HYPK: variants seen among roughly 807,000 people sequenced by gnomAD.
HYPK encodes huntingtin interacting protein K.
A neutral mutation model predicts 13.9 loss-of-function variants in HYPK; 9 were observed. The ratio of observed to expected loss-of-function variants is 0.65; its 90% CI spans 0.39 to 1.13. The LOEUF (loss-of-function observed/expected upper bound fraction) is 1.13. Ranked by LOEUF, HYPK falls within the 50% of genes most tolerant of loss-of-function variation. HYPK has a pLI of 0.01. For synonymous variants in HYPK, 76 were observed against 57.0 expected (o/e 1.33, Z -1.50); for missense variants, 138 against 157.6 (o/e 0.88, Z 0.67).
At chr15:43,800,932 G>T in intron 1 of HYPK, 148 bp downstream of exon 1, 1 of 929,616 alleles carries the variant, frequency 1.1e-6, no homozygotes, top group South Asian at 1.7e-5. Flanking sequence ...AGCGGTCACC[G>T]GAGCGCGCCG....
chr15:43,801,402 T>C (rs1019747301), intron 2 of HYPK, 116 bp from the exon 3 acceptor site: 26 of 996,096 alleles, frequency 2.6e-5, no homozygotes, highest in Non-Finnish European at 3.8e-5. Context: ...GGAGTTTTTA[T>C]TTTCAATCAA....
rs61744182 is a variant in HYPK at position 43,801,787 on chromosome 15, T to G, written c.347T>G (p.Leu116Arg). Reference sequence around the variant, plus strand: ...CACATGGGCAACGTGGTAGAGGCGCTTATTGCCCTAACCAACTGATGCGTG... The same window carrying G: ...CACATGGGCAACGTGGTAGAGGCGCGTATTGCCCTAACCAACTGATGCGTG... The part of the protein sequence containing the change: ...REHMGNVVEA[L>R]IALTN The change falls in exon 4 of 4, where the codon CTT (leucine) becomes CGT (arginine). Residue 116 changes from leucine (L) to arginine (R), a missense_variant. By Grantham distance (102) the Leu-to-Arg change is moderately radical. Around this residue, in one of 3 missense-constraint regions of HYPK, gnomAD observed 91 missense variants for 96.8 expected, o/e 0.94. Transcript: ENST00000442995. The G allele has an allele frequency of 2.2e-5, 36 of 1,614,120 alleles. No individual in the cohort carries two copies. The highest frequency in any genetic ancestry group is 3.0e-5 in the Non-Finnish European group (35 of 1,180,022).
In HYPK at chr15:43,801,356, C is replaced by T. The variant is rs1312486777; in HGVS notation, c.219-162C>T. The T allele has an allele frequency of 1.4e-5, 12 of 832,440 alleles. No homozygotes were observed. In the African/African-American group the frequency reaches 1.9e-4, roughly 13 times the overall value. 51.6% of individuals were successfully genotyped at this position (832,440 alleles called of 1,614,324 possible). On this transcript the variant is annotated intron_variant, in intron 2 of 3. Coordinates refer to ENST00000442995, the MANE Select transcript of HYPK (RefSeq NM_016400.4). ...TTAGCAGAAGGCCTCCTGGCAACACCTGCTGCCAAGACTCCAGGGGAAAGG... is the reference window on the plus strand; with the variant it reads ...TTAGCAGAAGGCCTCCTGGCAACACTTGCTGCCAAGACTCCAGGGGAAAGG...
At position 43,801,191 on chromosome 15, in the gene HYPK, A is replaced by G; in HGVS notation, c.218+4A>G. 6.2e-7 allele frequency: 1 copy of G among 1,613,506 alleles called. No homozygotes were observed. Among genetic ancestry groups the G allele is most frequent in the Admixed American group, 1.7e-5 (1 of 60,000 alleles). On this transcript the variant is annotated splice_donor_region_variant and intron_variant, in intron 2 of 3. Transcript: ENST00000442995. ...AGCAGAAAGCCAAACAGGAGCGGTA[A>G]GTCTTCAGGGGCAGCCAACTTTAAC...
chr15:43,800,534 C>T (rs771068689), upstream of HYPK: 12 of 1,558,102 alleles, frequency 7.7e-6, no homozygotes, highest in African/African-American at 1.4e-4. Flanking sequence ...GGCCCAGGGC[C>T]AGCCCCGCCT....
rs200501830 is a variant in HYPK, at chr15:43,801,772, A to G, written c.332A>G (p.Asn111Ser). 1.2e-4 allele frequency: 191 copies of G among 1,614,132 alleles called. No individual in the cohort carries two copies. Among genetic ancestry groups the G allele is most frequent in the Non-Finnish European group, 1.5e-4 (175 of 1,180,048 alleles). Residue 111 changes from asparagine (N) to serine (S), a missense_variant, in exon 4 of 4, where the codon AAC (asparagine) becomes AGC (serine). Physicochemically the swap from Asn to Ser is conservative, Grantham distance 46 (BLOSUM62 1). Around this residue, in one of 3 missense-constraint regions of HYPK, gnomAD observed 91 missense variants for 96.8 expected, o/e 0.94. Coordinates refer to ENST00000442995, the MANE Select transcript of HYPK (RefSeq NM_016400.4). ...CGCAGTTTGCGGGAACACATGGGCA[A>G]CGTGGTAGAGGCGCTTATTGCCCTA... ...AERSLREHMG[N>S]VVEALIALTN is the part of the protein sequence containing the mutation.
rs368198131 is a variant in HYPK, at chr15:43,800,600, T to C, written c.-23T>C. 1.1e-5 allele frequency: 18 copies of C among 1,613,720 alleles called. No individual in the cohort carries two copies. In the African/African-American group the frequency reaches 1.3e-4, roughly 12 times the overall value. On this transcript the variant is annotated 5_prime_UTR_variant, in exon 1 of 4. It removes an upstream start codon present in the reference 5' UTR. Coordinates refer to ENST00000442995, the MANE Select transcript of HYPK (RefSeq NM_016400.4). Reference sequence around the variant, plus strand: ...GGAAGTCGGCGTGAGGTGGGGCTTATGCGGCGGCGTGGTGAAATAGATATG... The same window carrying C: ...GGAAGTCGGCGTGAGGTGGGGCTTACGCGGCGGCGTGGTGAAATAGATATG...
Position 43,803,396 on chromosome 15 carries a change from G to GA in HYPK, c.*1597dup, listed in dbSNP as rs1163990870. ...CGACAGAGCAAGACTGTCTCAAAACGAAAAAAACCTATGAAAGGTTTTGAT... is the reference window on the plus strand; with the variant it reads ...CGACAGAGCAAGACTGTCTCAAAACGAAAAAAAACCTATGAAAGGTTTTGAT... On this transcript the variant is annotated 3_prime_UTR_variant, in exon 4 of 4. Transcript: ENST00000442995. Among the ~76,000 whole-genome samples the GA allele has an allele frequency of 1.3e-5, 2 of 151,710 alleles. No homozygotes were observed. The highest frequency in any genetic ancestry group is 2.4e-5 in the African/African-American group (1 of 41,330).
Position 43,801,119 on chromosome 15 carries a change from G to A in HYPK, c.163-13G>A. The stretch of plus-strand genomic sequence containing the variant: ...GGGTAGCGGTGCAGTAACTAGACCT[G>A]CCTTTCCCATAGGCCATGTCTGTGA... On this transcript the variant is annotated splice_polypyrimidine_tract_variant and intron_variant, in intron 1 of 3. Transcript: ENST00000442995. The A allele has an allele frequency of 1.9e-6, 3 of 1,612,624 alleles. No homozygotes were observed. The highest frequency in any genetic ancestry group is 2.5e-6 in the Non-Finnish European group (3 of 1,178,876).
chr15:43,800,522 G>C, upstream of HYPK: 1 of 1,472,546 alleles, frequency 6.8e-7, no homozygotes, highest in Non-Finnish European at 9.4e-7. Flanking sequence ...GAAAGAAGGT[G>C]TGGCCCAGGG....
Position 43,801,947 on chromosome 15 carries a change from CTGAATT to C in HYPK, c.*143_*148del, listed in dbSNP as rs1481352770. On this transcript the variant is annotated 3_prime_UTR_variant, in exon 4 of 4. Coordinates refer to ENST00000442995, the MANE Select transcript of HYPK (RefSeq NM_016400.4). The stretch of plus-strand genomic sequence containing the variant: ...GGAGAATTTATATGTTGGAGACTAA[CTGAATT>C]TAAGTGACCCATTAAAATCTAGCAC... The C allele has an allele frequency of 4.4e-6, 3 of 682,460 alleles. No individual in the cohort carries two copies. Among genetic ancestry groups the C allele is most frequent in the Non-Finnish European group, 7.4e-6 (3 of 404,412 alleles). 42.3% of individuals were successfully genotyped at this position (682,460 alleles called of 1,614,324 possible). A position where few individuals can be genotyped will look rare whatever the true frequency, so the allele number is the denominator to read the frequency against.
upstream of HYPK, chr15:43,800,489 C>T (rs768383406): frequency 2.4e-6 from 3 of 1,241,308 alleles, no homozygotes; most frequent in Non-Finnish European, 3.5e-6. Context: ...GCCTTCCTCC[C>T]TGAAGCTTCT....
intron 1 of HYPK, 77 bp from the exon 2 acceptor site, chr15:43,801,055 C>A: frequency 7.7e-7 from 1 of 1,294,044 alleles, no homozygotes; most frequent in Non-Finnish European, 1.1e-6. Context: ...CATGCATGAA[C>A]CGCTTGTTTT....
chr15:43,801,091 T>A (rs1281535345), intron 1 of HYPK, 41 bp from the exon 2 acceptor site: 1 of 1,553,594 alleles, frequency 6.4e-7, no homozygotes, highest in Admixed American at 1.7e-5. Context: ...TATTGGGAAT[T>A]GTGGGTAGCG....
At chr15:43,800,920 A>G (rs1022587133) in intron 1 of HYPK, 136 bp downstream of exon 1, 1 of 981,356 alleles carries the variant, frequency 1.0e-6, no homozygotes, top group African/African-American at 1.6e-5. Context: ...GCCGAGGGAA[A>G]CAGCGGTCAC....
Position 43,804,140 on chromosome 15 carries a change from G to GT in HYPK, c.*2335dup, listed in dbSNP as rs1434656344. Among the ~76,000 whole-genome samples, 4 of 152,030 alleles carry GT rather than the reference G, an allele frequency of 2.6e-5. No homozygotes were observed. The highest frequency in any genetic ancestry group is 9.7e-5 in the African/African-American group (4 of 41,416). On this transcript the variant is annotated 3_prime_UTR_variant, in exon 4 of 4. Transcript: ENST00000442995. ...CCCTGCAACGGCCCCTGAGTCTGCT[G>GT]TAAGGACACTCAAATGGCAATTACA...
At chr15:43,801,072 C>G in intron 1 of HYPK, 60 bp from the exon 2 acceptor site, 1 of 1,460,008 alleles carries the variant, frequency 6.8e-7, no homozygotes, top group Non-Finnish European at 9.6e-7. Context: ...TTTTGTTGGC[C>G]TTTTAGATTA....
intron 1 of HYPK, 128 bp downstream of exon 1, chr15:43,800,912 C>T: frequency 2.0e-6 from 2 of 1,020,384 alleles, no homozygotes; most frequent in Non-Finnish European, 2.8e-6. Context: ...AGGGTAGAGC[C>T]GAGGGAAACA....
intron 1 of HYPK, 42 bp downstream of exon 1, chr15:43,800,826 A>AG (rs753019272): frequency 5.2e-6 from 8 of 1,531,608 alleles, no homozygotes; most frequent in African/African-American, 1.4e-5. Context: ...CTGAGAGCAG[A>AG]GGGGGGCTCT....
Sources: allele counts gnomAD v4.1 joint callset (sites outside exome capture counted in the v4.1 genomes callset), GRCh38; gene constraint gnomAD v4.1.1; regional missense constraint gnomAD v4.1.1; transcripts MANE v1.5; gene names NCBI Gene and HGNC (gene_info 2026-07-23, HGNC 2026-07-21).